The following ZC3H11A variants were observed in gnomAD, a reference collection of about 807,000 sequenced individuals.
The protein encoded by ZC3H11A is zinc finger CCCH-type containing 11A, also known as zinc finger CCCH domain-containing protein 11A.
In ZC3H11A, 22 loss-of-function variants were observed where a neutral mutation model predicts 90.8. That is an observed-to-expected ratio of 0.24 (90% CI 0.17 to 0.35). The LOEUF is 0.35. Among genes scored for constraint, ZC3H11A ranks in the 10% least tolerant of loss-of-function variants. The pLI, the probability that ZC3H11A is intolerant of heterozygous loss-of-function variation, is 1.00. For missense variants in ZC3H11A, 701 were observed against 964.9 expected, an observed-to-expected ratio of 0.73 and a Z score of 3.62; for synonymous variants, 294 against 339.8, an observed-to-expected ratio of 0.87 and a Z score of 1.48.
intron 10 of ZC3H11A, among the ~76,000 whole-genome samples, chr1:203,834,693 A>C (rs1683661001): frequency 6.6e-6 from 1 of 152,134 alleles, no homozygotes; most frequent in African/African-American, 2.4e-5. Flanking sequence ...TCTGTCGCCC[A>C]CGCTGGCGTG....
chr1:203,848,655 AGGCG>A (rs1473183052), intron 14 of ZC3H11A, among the ~76,000 whole-genome samples: 1 of 152,194 alleles, frequency 6.6e-6, no homozygotes, highest in African/African-American at 2.4e-5. Flanking sequence ...TGGGAGGCTG[AGGCG>A]GGCGGATCAC....
intron 1 of ZC3H11A, chr1:203,799,300 A>G (rs1558088238): frequency 8.4e-6 from 6 of 718,228 alleles, no homozygotes; most frequent in Non-Finnish European, 1.3e-5. Context: ...ATGGTCATTC[A>G]GGACTTTTTC....
intron 13 of ZC3H11A, among the ~76,000 whole-genome samples, chr1:203,847,930 A>C (rs146345005): frequency 6.1e-4 from 93 of 152,268 alleles, no homozygotes; most frequent in Middle Eastern, 3.4e-3. Context: ...ACCTTGGCTC[A>C]CTGTAGCCTC....
At chr1:203,837,848 C>T (rs756571252) in intron 10 of ZC3H11A, 118 bp from the exon 11 acceptor site, 37 of 904,828 alleles carry the variant, frequency 4.1e-5, no homozygotes, top group Non-Finnish European at 5.4e-5. Context: ...TGAACAAACA[C>T]GCCATATGTA....
At chr1:203,800,641 A>G in intron 1 of ZC3H11A, 1 of 549,498 alleles carries the variant, frequency 1.8e-6, no homozygotes. Context: ...TAAAGATTTC[A>G]TAGCTATAAC....
chr1:203,798,379 A>C, intron 1 of ZC3H11A: 1 of 1,534,916 alleles, frequency 6.5e-7, no homozygotes, highest in Non-Finnish European at 8.7e-7. Flanking sequence ...GCTGTGTGTA[A>C]TATATGTAAA....
chr1:203,810,186 G>A (rs190721571), intron 2 of ZC3H11A, among the ~76,000 whole-genome samples: 3 of 151,382 alleles, frequency 2.0e-5, no homozygotes, highest in East Asian at 2.0e-4. Context: ...CTGTTGCCCA[G>A]GCTGTTCTTG....
At chr1:203,815,266 G>A (rs1161592586) in intron 2 of ZC3H11A, among the ~76,000 whole-genome samples, 2 of 120,784 alleles carry the variant, frequency 1.7e-5, no homozygotes, top group Admixed American at 1.2e-4. Context: ...CCAAGCTGGA[G>A]TGCAGTGGCG....
chr1:203,837,320 T>G (rs944928329), intron 10 of ZC3H11A, among the ~76,000 whole-genome samples: 12 of 151,494 alleles, frequency 7.9e-5, no homozygotes, highest in Non-Finnish European at 1.5e-4. Flanking sequence ...CTTTTGTACA[T>G]GAAGATTTTT....
At position 203,845,664 on chromosome 1, in the gene ZC3H11A, A is replaced by G. The variant is rs1572345482; in HGVS notation, c.1043-1520A>G. ...AAATCTCTTGAGACCAGGAGTTTTG[A>G]GACCAGCCTGGCCAACATGGCAAAA... On this transcript the variant is annotated intron_variant, in intron 12 of 17. Transcript: ENST00000367210. 2.0e-5 allele frequency among the ~76,000 whole-genome samples: 3 copies of G among 152,102 alleles called. No individual in the cohort carries two copies. In the East Asian group the frequency reaches 5.8e-4, roughly 30 times the overall value.
intron 4 of ZC3H11A, among the ~76,000 whole-genome samples, chr1:203,821,899 A>T (rs1173415323): frequency 6.6e-6 from 1 of 151,972 alleles, no homozygotes; most frequent in African/African-American, 2.4e-5. Flanking sequence ...CTGGGATTAC[A>T]GGTGCCCGCC....
chr1:203,796,270 T>TA (rs1168058303), intron 1 of ZC3H11A: 1 of 396,398 alleles, frequency 2.5e-6, no homozygotes, highest in African/African-American at 2.1e-5. Flanking sequence ...GCGCTGAATT[T>TA]ACCTACTCTC....
At chr1:203,849,436 T>G (rs1197203406) in intron 14 of ZC3H11A, among the ~76,000 whole-genome samples, 1 of 152,256 alleles carries the variant, frequency 6.6e-6, no homozygotes, top group Non-Finnish European at 1.5e-5. Flanking sequence ...TAAATCTTTG[T>G]GCAGGTATTT....
At chr1:203,851,895 G>A (rs968656737) in intron 17 of ZC3H11A, among the ~76,000 whole-genome samples, 5 of 142,786 alleles carry the variant, frequency 3.5e-5, no homozygotes, top group Admixed American at 7.6e-5. Flanking sequence ...CTTGAGCCCA[G>A]GAGGTCGAGG....
At position 203,828,289 on chromosome 1, in the gene ZC3H11A, C is replaced by CAAA. The variant is rs1362988672; in HGVS notation, c.175-10_175-9insAAA. 1 of 1,613,766 alleles carries CAAA rather than the reference C, an allele frequency of 6.2e-7. No individual in the cohort carries two copies. The highest frequency in any genetic ancestry group is 1.1e-5 in the South Asian group (1 of 91,020). The stretch of plus-strand genomic sequence containing the variant: ...TTTATTTGAAAGCAATGTGTTTTTC[C>CAAA]CTCTTACAGAAAAAACGCAGTGAAA... On this transcript the variant is annotated splice_polypyrimidine_tract_variant and intron_variant, in intron 4 of 17. Coordinates refer to ENST00000367210, the MANE Select transcript of ZC3H11A (RefSeq NM_001376342.1).
At chr1:203,847,746 T>C in intron 13 of ZC3H11A, 59 bp downstream of exon 13, 2 of 1,559,588 alleles carry the variant, frequency 1.3e-6, no homozygotes, top group Non-Finnish European at 1.7e-6. Context: ...AGAGGAGTGT[T>C]CCGTGGGATC....
At chr1:203,844,318 CG>C (rs1471379116) in intron 12 of ZC3H11A, among the ~76,000 whole-genome samples, 2 of 152,094 alleles carry the variant, frequency 1.3e-5, no homozygotes, top group African/African-American at 2.4e-5. Context: ...TGTGCAATCA[CG>C]CCTGGCTAAC....
intron 1 of ZC3H11A, chr1:203,796,320 A>G (rs914877219): frequency 1.0e-5 from 4 of 398,204 alleles, no homozygotes; most frequent in East Asian, 3.6e-5. Context: ...GCTTGTCTCA[A>G]ACTCCACATA....
intron 8 of ZC3H11A, among the ~76,000 whole-genome samples, chr1:203,831,289 C>A (rs935768901): frequency 6.6e-6 from 1 of 151,924 alleles, no homozygotes; most frequent in African/African-American, 2.4e-5. Flanking sequence ...TTATAGCAAC[C>A]TTGGAGTTGT....
Sources: allele counts gnomAD v4.1 joint callset (sites outside exome capture counted in the v4.1 genomes callset), GRCh38; gene constraint gnomAD v4.1.1; transcripts MANE v1.5; gene names NCBI Gene and HGNC (gene_info 2026-07-23, HGNC 2026-07-21).